CLIP1: variants seen among roughly 807,000 people sequenced by gnomAD.
The protein encoded by CLIP1 is CAP-Gly domain-containing linker protein 1.
CLIP1 carries 66 observed loss-of-function variants against 161.6 expected under a neutral mutation model. The ratio of observed to expected loss-of-function variants is 0.41; its 90% CI spans 0.33 to 0.50. The LOEUF (loss-of-function observed/expected upper bound fraction) is 0.50, where lower values mean the gene tolerates loss of function less well. Ranked by LOEUF, CLIP1 falls within the 20% of genes least tolerant of loss-of-function variation. The pLI is 0.27. For missense variants in CLIP1, 1,376 were observed against 1,702.0 expected (o/e 0.81, Z 3.37); for synonymous variants, 598 against 626.2 (o/e 0.96, Z 0.67).
At chr12:122,276,576 T>A in intron 24 of CLIP1, 2 of 997,718 alleles carry the variant, frequency 2.0e-6, no homozygotes, top group Non-Finnish European at 2.7e-6. Context: ...CATGGTAAGT[T>A]TGTACAGTGT....
At chr12:122,418,747 A>C (rs1956837823) in intron 1 of CLIP1, among the ~76,000 whole-genome samples, 1 of 152,140 alleles carries the variant, frequency 6.6e-6, no homozygotes, top group Non-Finnish European at 1.5e-5. Flanking sequence ...TGCGTGACAG[A>C]GCGAGACCCT....
At chr12:122,410,697 G>T (rs1956496515) in intron 1 of CLIP1, among the ~76,000 whole-genome samples, 1 of 152,052 alleles carries the variant, frequency 6.6e-6, no homozygotes, top group Non-Finnish European at 1.5e-5. Context: ...GACCTCAAGT[G>T]ATCTGCCCAC....
chr12:122,419,793 C>T (rs1359339760), intron 1 of CLIP1, among the ~76,000 whole-genome samples: 1 of 151,592 alleles, frequency 6.6e-6, no homozygotes, highest in Non-Finnish European at 1.5e-5. Context: ...AAAACTAGCC[C>T]GGTGCCGTGG....
In CLIP1 at chr12:122,307,182, T is replaced by C. The variant is rs183299781; in HGVS notation, c.3594+2580A>G. Among the ~76,000 whole-genome samples the C allele has an allele frequency of 5.5e-3, 839 of 152,014 alleles. 5 individuals carry two copies. The highest frequency in any genetic ancestry group is 7.6e-3 in the Non-Finnish European group (518 of 67,966). ...CGCCACCATGCCTGGTTAATTTTTG[T>C]ATTTTTAGTAGAGATGGGGTTTCAC... On this transcript the variant is annotated intron_variant, in intron 20 of 25. Transcript: ENST00000620786.
intron 17 of CLIP1, chr12:122,324,294 GA>G (rs1216276992): frequency 6.6e-6 from 1 of 152,584 alleles, no homozygotes; most frequent in Non-Finnish European, 1.5e-5. Flanking sequence ...TCCTGAGAAA[GA>G]AGCTGCTTCT....
chr12:122,382,291 G>A (rs1439175551), intron 1 of CLIP1, among the ~76,000 whole-genome samples: 1 of 151,934 alleles, frequency 6.6e-6, no homozygotes, highest in Admixed American at 6.6e-5. Flanking sequence ...AACCCGGGAG[G>A]CAGAGGTTGT....
intron 24 of CLIP1, chr12:122,274,386 G>A (rs1592948505): frequency 4.6e-6 from 2 of 431,782 alleles, no homozygotes; most frequent in Non-Finnish European, 8.5e-6. Context: ...AGGTGGTAAG[G>A]CTATGGCAGT....
At chr12:122,352,255 C>T (rs1953075654) in intron 8 of CLIP1, among the ~76,000 whole-genome samples, 1 of 152,084 alleles carries the variant, frequency 6.6e-6, no homozygotes, top group Admixed American at 6.6e-5. Flanking sequence ...CGGGGTCTCA[C>T]CACGTTAGCC....
At chr12:122,393,912 C>CATAAAAAAAAAAAA (rs1955780211) in intron 1 of CLIP1, among the ~76,000 whole-genome samples, 1 of 63,170 alleles carries the variant, frequency 1.6e-5, no homozygotes, top group African/African-American at 4.6e-5. Flanking sequence ...ATTCTGTCTC[C>CATAAAAAAAAAAAA]AAAAAAAAAA....
At position 122,303,770 on chromosome 12, in the gene CLIP1, C is replaced by T. The variant is rs938754418; in HGVS notation, c.3594+5992G>A. Reference sequence around the variant, plus strand: ...TGTGATTGGAGGTGGTTATGTGATACGATCATAGAAATGTGAACTTTCTTC... The same window carrying T: ...TGTGATTGGAGGTGGTTATGTGATATGATCATAGAAATGTGAACTTTCTTC... On this transcript the variant is annotated intron_variant, in intron 20 of 25. Transcript: ENST00000620786. Among the ~76,000 whole-genome samples, 11 of 152,230 alleles carry T rather than the reference C, an allele frequency of 7.2e-5. 3 individuals are homozygous for T. The highest frequency in any genetic ancestry group is 2.1e-4 in the South Asian group (1 of 4,816).
At chr12:122,316,961 G>A (rs1034709899) in intron 18 of CLIP1, 106 bp from the exon 19 acceptor site, 4 of 686,924 alleles carry the variant, frequency 5.8e-6, no homozygotes, top group African/African-American at 5.6e-5. Context: ...GATGAAATTA[G>A]TCACTCGCAA....
intron 17 of CLIP1, among the ~76,000 whole-genome samples, chr12:122,326,514 T>C (rs2136712299): frequency 6.6e-6 from 1 of 152,266 alleles, no homozygotes; most frequent in East Asian, 1.9e-4. Flanking sequence ...ACTCTGTCTC[T>C]ACAAAAAATA....
Position 122,336,672 on chromosome 12 carries a change from C to G in CLIP1, c.2528G>C (p.Ser843Thr). ...TNLQENLSEVSQVKETLEKEL... is the reference protein window; with the variant it reads ...TNLQENLSEVTQVKETLEKEL... ...TTTTTCCAAAGTCTCTTTCACTTGA[C>G]TGACTTCACTCAAATTTTCCTGAAG... Residue 843 changes from serine to threonine, a missense_variant, in exon 12 of 26, where the codon AGT (serine) becomes ACT (threonine). Ser to Thr is a moderately conservative substitution (Grantham distance 58, BLOSUM62 1). Transcript: ENST00000620786. 2.5e-6 allele frequency: 4 copies of G among 1,611,694 alleles called. No individual in the cohort carries two copies. The highest frequency in any genetic ancestry group is 3.4e-6 in the Non-Finnish European group (4 of 1,178,556).
intron 1 of CLIP1, among the ~76,000 whole-genome samples, chr12:122,410,017 CCTGT>C (rs1432123854): frequency 6.6e-6 from 1 of 151,622 alleles, no homozygotes. Flanking sequence ...ACTACAGGCG[CCTGT>C]CACCATGCCT....
chr12:122,415,183 A>C (rs1410518399), intron 1 of CLIP1, among the ~76,000 whole-genome samples: 1 of 152,174 alleles, frequency 6.6e-6, no homozygotes, highest in Non-Finnish European at 1.5e-5. Flanking sequence ...ACTGCTTTCC[A>C]ATTAAGATTG....
At chr12:122,292,920 A>G (rs61954383) in intron 20 of CLIP1, among the ~76,000 whole-genome samples, 10,146 of 149,550 alleles carry the variant, frequency 0.068, 370 homozygotes, top group Middle Eastern at 0.13. Flanking sequence ...GGAGAATGGC[A>G]TGAACCCGGG....
intron 11 of CLIP1, among the ~76,000 whole-genome samples, chr12:122,338,944 T>C (rs1344646656): frequency 1.3e-5 from 2 of 152,168 alleles, no homozygotes; most frequent in East Asian, 3.8e-4. Flanking sequence ...TTTTTTGCTG[T>C]TTGTCAGTCC....
chr12:122,342,911 T>C (rs1952571881), intron 10 of CLIP1: 1 of 151,514 alleles, frequency 6.6e-6, no homozygotes, highest in Non-Finnish European at 1.5e-5. Context: ...ATTTTGAATA[T>C]ATCAGTTACA....
intron 15 of CLIP1, among the ~76,000 whole-genome samples, chr12:122,330,057 C>T (rs953851558): frequency 1.3e-5 from 2 of 152,014 alleles, no homozygotes; most frequent in African/African-American, 4.8e-5. Context: ...GTGGAGGTTG[C>T]GGTGACCCAA....
Sources: gnomAD v4.1 joint callset for allele counts (sites outside exome capture counted in the v4.1 genomes callset) on GRCh38, gnomAD v4.1.1 for gene constraint, MANE v1.5 for transcripts, NCBI Gene and HGNC (gene_info 2026-07-23, HGNC 2026-07-21) for gene names.